The following HERC2 variants were observed in gnomAD, a reference collection of about 807,000 sequenced individuals.
The protein encoded by HERC2 is HECT and RLD domain containing E3 ubiquitin protein ligase 2, also known as E3 ubiquitin-protein ligase HERC2.
Under a neutral mutation model 537.7 loss-of-function variants are expected in HERC2, and 102 were observed. That is an observed-to-expected ratio of 0.19 (90% CI 0.16 to 0.22). HERC2 has a LOEUF of 0.22. Among genes scored for constraint, HERC2 ranks in the 10% least tolerant of loss-of-function variants. The pLI, the probability that HERC2 is intolerant of heterozygous loss-of-function variation, is 1.00. For synonymous variants in HERC2, 2,224 were observed against 2,466.2 expected, an observed-to-expected ratio of 0.90 and a Z score of 2.91; for missense variants, 4,236 against 6,198.2, an observed-to-expected ratio of 0.68 and a Z score of 10.63.
chr15:28,293,161 A>C, intron 3 of HERC2, 139 bp from the exon 4 acceptor site: 1 of 722,724 alleles, frequency 1.4e-6, no homozygotes, highest in Non-Finnish European at 2.3e-6. Context: ...AAATACATCA[A>C]TCATACCTGT....
chr15:28,130,054 T>G, intron 83 of HERC2, 109 bp downstream of exon 83: 12 of 1,363,698 alleles, frequency 8.8e-6, no homozygotes, highest in African/African-American at 1.4e-5. Context: ...GCAACAGGAG[T>G]GAGCCACCAC....
intron 3 of HERC2, among the ~76,000 whole-genome samples, chr15:28,295,227 G>A (rs2076429713): frequency 1.3e-5 from 2 of 148,234 alleles, no homozygotes; most frequent in Admixed American, 1.4e-4. Flanking sequence ...ACAGAATACA[G>A]AATAGAACCC....
intron 23 of HERC2, among the ~76,000 whole-genome samples, chr15:28,239,712 C>T (rs1354276267): frequency 1.4e-5 from 2 of 147,084 alleles, no homozygotes; most frequent in Non-Finnish European, 3.0e-5. Flanking sequence ...TAGATCTAAC[C>T]AGCAGATTAA....
At chr15:28,246,389 A>G (rs1903709082) in intron 22 of HERC2, among the ~76,000 whole-genome samples, 9 of 152,180 alleles carry the variant, frequency 5.9e-5, no homozygotes, top group Admixed American at 5.9e-4. Flanking sequence ...CTAACCTCAA[A>G]AAGTTAAAAC....
At chr15:28,258,158 T>C (rs1202897497) in intron 16 of HERC2, among the ~76,000 whole-genome samples, 1 of 152,022 alleles carries the variant, frequency 6.6e-6, no homozygotes, top group Non-Finnish European at 1.5e-5. Flanking sequence ...ACTTCAAAAT[T>C]AAACAACATA....
At chr15:28,157,541 T>G (rs1230923044) in intron 69 of HERC2, among the ~76,000 whole-genome samples, 2 of 152,238 alleles carry the variant, frequency 1.3e-5, no homozygotes, top group East Asian at 3.8e-4. Context: ...TAGAGGTGTT[T>G]GTAGTATTCT....
intron 69 of HERC2, among the ~76,000 whole-genome samples, chr15:28,156,352 G>A (rs1349348065): frequency 6.6e-6 from 1 of 152,148 alleles, no homozygotes; most frequent in Non-Finnish European, 1.5e-5. Context: ...ATCACCTTGG[G>A]CAGTATGGCC....
intron 2 of HERC2, among the ~76,000 whole-genome samples, chr15:28,300,416 A>G (rs1348803990): frequency 6.7e-6 from 1 of 149,992 alleles, no homozygotes; most frequent in Non-Finnish European, 1.5e-5. Flanking sequence ...AAAATAAAAT[A>G]TTTATCGGTA....
chr15:28,293,154 T>C, intron 3 of HERC2, 132 bp from the exon 4 acceptor site: 1 of 751,590 alleles, frequency 1.3e-6, no homozygotes, highest in East Asian at 2.5e-5. Context: ...AAAAATAAAA[T>C]ACATCAATCA....
At chr15:28,219,892 C>G (rs1242555427) in intron 37 of HERC2, among the ~76,000 whole-genome samples, 1 of 152,226 alleles carries the variant, frequency 6.6e-6, no homozygotes, top group African/African-American at 2.4e-5. Context: ...TGGATCTCCA[C>G]AGATAGGATC....
intron 14 of HERC2, among the ~76,000 whole-genome samples, chr15:28,264,020 C>CAAAAAAAAAAA (rs34823980): frequency 4.8e-5 from 4 of 83,664 alleles, no homozygotes; most frequent in East Asian, 3.1e-4. Context: ...CTTTGTCTTA[C>CAAAAAAAAAAA]AAAAAAAAAA....
chr15:28,304,701 CATT>C (rs2076731931), intron 2 of HERC2, among the ~76,000 whole-genome samples: 1 of 136,204 alleles, frequency 7.3e-6, no homozygotes, highest in African/African-American at 3.3e-5. Context: ...CAAGGGCTTC[CATT>C]TTTTTTTTTT....
intron 10 of HERC2, among the ~76,000 whole-genome samples, chr15:28,270,342 A>C (rs2140983881): frequency 6.6e-6 from 1 of 152,092 alleles, no homozygotes; most frequent in Non-Finnish European, 1.5e-5. Context: ...CACTACTATC[A>C]CCAGCATTAC....
chr15:28,124,365 G>A (rs559011348), intron 84 of HERC2, 131 bp from the exon 85 acceptor site: 2 of 509,568 alleles, frequency 3.9e-6, no homozygotes, highest in Non-Finnish European at 3.2e-6. Context: ...AGTTTGGTTT[G>A]CACAACCTCA....
chr15:28,165,880 A>G (rs1894086962), intron 68 of HERC2, among the ~76,000 whole-genome samples: 1 of 152,214 alleles, frequency 6.6e-6, no homozygotes, highest in Non-Finnish European at 1.5e-5. Flanking sequence ...CCTGTCACCC[A>G]AACAGCAACA....
At chr15:28,179,326 C>T (rs866529815) in intron 57 of HERC2, 103 bp from the exon 58 acceptor site, 10 of 853,158 alleles carry the variant, frequency 1.2e-5, no homozygotes, top group Middle Eastern at 6.9e-4. Context: ...TACAGTTATG[C>T]ACTGTGTAAC....
At position 28,220,432 on chromosome 15, in the gene HERC2, C is replaced by T. The variant is rs958020576; in HGVS notation, c.5845+20G>A. On this transcript the variant is annotated intron_variant, in intron 37 of 92. Transcript: ENST00000261609. ...AGTTTGTGGGCTGCCTTGGACTAAA[C>T]ACCTTCCTGAGTCACCCACCAGAGT... 12 of 1,605,216 alleles carry T rather than the reference C, an allele frequency of 7.5e-6. No individual in the cohort carries two copies. The highest frequency in any genetic ancestry group is 1.0e-5 in the Non-Finnish European group (12 of 1,178,458).
chr15:28,244,400 A>G (rs1903454445), intron 23 of HERC2, among the ~76,000 whole-genome samples: 1 of 152,172 alleles, frequency 6.6e-6, no homozygotes, highest in Non-Finnish European at 1.5e-5. Flanking sequence ...GGGTAGGGAC[A>G]AGAACTTAGT....
intron 35 of HERC2, 94 bp from the exon 36 acceptor site, chr15:28,222,309 G>A (rs1022388699): frequency 1.6e-4 from 99 of 621,360 alleles, no homozygotes; most frequent in Non-Finnish European, 2.6e-4. Context: ...AATGAAGATC[G>A]TAATTTTGAA....
Sources: gnomAD v4.1 joint callset for allele counts (sites outside exome capture counted in the v4.1 genomes callset) on GRCh38, gnomAD v4.1.1 for gene constraint, MANE v1.5 for transcripts, NCBI Gene and HGNC (gene_info 2026-07-23, HGNC 2026-07-21) for gene names.